Variants in ZNF106 observed in about 807,000 individuals in gnomAD.
ZNF106 encodes the protein SH3-domain binding protein 3.
A neutral mutation model predicts 195.1 loss-of-function variants in ZNF106; 67 were observed. The ratio of observed to expected loss-of-function variants is 0.34; its 90% CI spans 0.28 to 0.42. The LOEUF (loss-of-function observed/expected upper bound fraction) is 0.42. Among genes scored for constraint, ZNF106 ranks in the 10% least tolerant of loss-of-function variants. ZNF106 has a pLI of 1.00. For missense variants in ZNF106, 2,118 were observed against 2,304.5 expected (o/e 0.92, Z 1.66); for synonymous variants, 784 against 818.6 (o/e 0.96, Z 0.72).
chr15:42,460,894 T>A (rs993312244), intron 3 of ZNF106, among the ~76,000 whole-genome samples: 36 of 151,810 alleles, frequency 2.4e-4, no homozygotes, highest in African/African-American at 8.7e-4. Flanking sequence ...TAAAAATAAT[T>A]TTTCAAAAAC....
Position 42,472,263 on chromosome 15 carries a change from T to C in ZNF106, c.27A>G (p.Leu9=), listed in dbSNP as rs1302839355. Residue 9 remains leucine (L), a synonymous_variant, in exon 2 of 22, where the codon TTA becomes TTG. Transcript: ENST00000564754. ...TTTTTGAGCTGTACACGATGTGGCA[T>C]AATATGCATTTTCGTTCTCGTACCA... The part of the protein sequence containing the change: MVRERKCI[L]CHIVYSSKKE... 6.5e-7 allele frequency: 1 copy of C among 1,535,962 alleles called. No homozygotes were observed. The highest frequency in any genetic ancestry group is 2.0e-5 in the Admixed American group (1 of 50,982).
chr15:42,477,140 T>C (rs1204161661), intron 1 of ZNF106, among the ~76,000 whole-genome samples: 5 of 152,104 alleles, frequency 3.3e-5, no homozygotes, highest in African/African-American at 1.2e-4. Context: ...CAAAGACCAG[T>C]TTTGTCTATT....
At chr15:42,487,327 A>C (rs910404550) in intron 1 of ZNF106, among the ~76,000 whole-genome samples, 4 of 151,524 alleles carry the variant, frequency 2.6e-5, no homozygotes, top group Non-Finnish European at 4.4e-5. Flanking sequence ...ACACACACAA[A>C]AAATTTATTA....
chr15:42,450,450 C>T lies in ZNF106; in HGVS notation c.1822G>A (p.Ala608Thr), dbSNP rs376128302. 3.7e-6 allele frequency: 6 copies of T among 1,614,028 alleles called. No individual in the cohort carries two copies. The highest frequency in any genetic ancestry group is 1.1e-5 in the South Asian group (1 of 91,080). ...GSLKIEFQVH[A>T]LEDESDGETS... ...TCTCCATCACTTTCATCTTCTAGTG[C>T]GTGCACTTGAAACTCAATTTTCAAA... Residue 608 changes from alanine to threonine, a missense_variant, in exon 5 of 22, where the codon GCA becomes ACA. Ala to Thr is a moderately conservative substitution (Grantham distance 58). Coordinates refer to ENST00000564754, the MANE Select transcript of ZNF106 (RefSeq NM_001366845.3).
At chr15:42,471,118 A>C (rs1433369225) in intron 2 of ZNF106, among the ~76,000 whole-genome samples, 1 of 151,986 alleles carries the variant, frequency 6.6e-6, no homozygotes, top group Non-Finnish European at 1.5e-5. Flanking sequence ...CTTCTTGCCA[A>C]CTCCTAGAAC....
rs1399949102 is a variant in ZNF106, at chr15:42,413,295, T to A, written c.*4009A>T. On this transcript the variant is annotated 3_prime_UTR_variant, in exon 22 of 22. Coordinates refer to ENST00000564754, the MANE Select transcript of ZNF106 (RefSeq NM_001366845.3). ...TATCCCAAATCACCTCCACCACAACTTCTATTCCTGTCTATTAGACCACTT... is the reference window on the plus strand; with the variant it reads ...TATCCCAAATCACCTCCACCACAACATCTATTCCTGTCTATTAGACCACTT... 1 of 152,194 alleles carries A rather than the reference T, an allele frequency of 6.6e-6. No individual in the cohort carries two copies. The highest frequency in any genetic ancestry group is 1.5e-5 in the Non-Finnish European group (1 of 68,034). 9.4% of individuals were successfully genotyped at this position (152,194 alleles called of 1,614,324 possible).
chr15:42,478,963 A>G (rs1189190858), intron 1 of ZNF106, among the ~76,000 whole-genome samples: 1 of 152,238 alleles, frequency 6.6e-6, no homozygotes. Flanking sequence ...ATTATCATTC[A>G]GTTCAAAGTA....
Position 42,421,932 on chromosome 15 carries a change from G to T in ZNF106, c.5430C>A (p.Thr1810=). ...TAACACTCACCATGCTTTTATGGAT[G>T]GTCATACACATAATCATGTCTTTGT... is the stretch of plus-strand genomic sequence containing the variant. The part of the protein sequence containing the change: ...GGHKDMIMCM[T]IHKSMIYTGC... The change falls in exon 19 of 22, where the codon ACC becomes ACA. Residue 1810 remains threonine, a synonymous_variant. Transcript: ENST00000564754. 6.4e-7 allele frequency: 1 copy of T among 1,559,150 alleles called. No homozygotes were observed.
chr15:42,427,325 T>C (rs761397027), intron 15 of ZNF106, among the ~76,000 whole-genome samples: 1 of 152,230 alleles, frequency 6.6e-6, no homozygotes, highest in Non-Finnish European at 1.5e-5. Context: ...GCCTGTAAGA[T>C]GAAGTCCAAC....
rs1263253756 is a variant in ZNF106, at chr15:42,439,142, T to G, written c.4435A>C (p.Ile1479Leu). The G allele has an allele frequency of 6.2e-7, 1 of 1,614,112 alleles. No homozygotes were observed. Among genetic ancestry groups the G allele is most frequent in the Admixed American group, 1.7e-5 (1 of 59,996 alleles). Residue 1479 changes from isoleucine (I) to leucine (L), a missense_variant, in exon 11 of 22, where the codon ATT (isoleucine) becomes CTT (leucine). Coordinates refer to ENST00000564754, the MANE Select transcript of ZNF106 (RefSeq NM_001366845.3). ...EKPDSPSKKD[I>L]WNSTEQNPLE... Reference sequence around the variant, plus strand: ...GGGTTTTGCTCTGTAGAGTTCCAAATATCCTTTTTAGATGGGCTGTCTGGT... The same window carrying G: ...GGGTTTTGCTCTGTAGAGTTCCAAAGATCCTTTTTAGATGGGCTGTCTGGT...
chr15:42,444,424 G>A (rs1424328528), intron 8 of ZNF106, among the ~76,000 whole-genome samples, 162 bp from the exon 9 acceptor site: 1 of 152,150 alleles, frequency 6.6e-6, no homozygotes, highest in Admixed American at 6.6e-5. Flanking sequence ...ACCCTACCTG[G>A]GGCCTTGAAG....
chr15:42,456,062 C>A (rs1463444392), intron 4 of ZNF106, among the ~76,000 whole-genome samples: 1 of 152,116 alleles, frequency 6.6e-6, no homozygotes. Flanking sequence ...ATTATCTTGA[C>A]ACTTATCAAA....
chr15:42,435,007 A>G (rs954060562), intron 14 of ZNF106, among the ~76,000 whole-genome samples: 1 of 152,046 alleles, frequency 6.6e-6, no homozygotes, highest in Non-Finnish European at 1.5e-5. Flanking sequence ...TCCCAACCTC[A>G]GGTGAATCCA....
At chr15:42,448,764 TA>T in intron 5 of ZNF106, 59 bp from the exon 6 acceptor site, 2 of 1,505,290 alleles carry the variant, frequency 1.3e-6, no homozygotes, top group Non-Finnish European at 8.8e-7. Flanking sequence ...GGAGGGGCAT[TA>T]TTTTTTAATG....
At chr15:42,426,563 CTTTTTT>C (rs539711765) in intron 15 of ZNF106, among the ~76,000 whole-genome samples, 1 of 115,742 alleles carries the variant, frequency 8.6e-6, no homozygotes, top group Non-Finnish European at 1.8e-5. Context: ...CCATACTTAG[CTTTTTT>C]TTTTTTTTTT....
chr15:42,482,480 C>CA (rs1200299319), intron 1 of ZNF106, among the ~76,000 whole-genome samples: 1 of 148,586 alleles, frequency 6.7e-6, no homozygotes, highest in Non-Finnish European at 1.5e-5. Context: ...TTGGTTAACT[C>CA]AAACTACAAA....
intron 14 of ZNF106, among the ~76,000 whole-genome samples, chr15:42,430,412 G>A (rs923433710): frequency 2.6e-5 from 4 of 151,914 alleles, no homozygotes; most frequent in African/African-American, 9.7e-5. Flanking sequence ...ACAAGGTCTC[G>A]CTCTGCCTCC....
chr15:42,487,490 CAAAAAAAA>C (rs961444853), intron 1 of ZNF106, among the ~76,000 whole-genome samples: 6 of 44,722 alleles, frequency 1.3e-4, no homozygotes, highest in Admixed American at 5.8e-4. Flanking sequence ...GACCCTGTCT[CAAAAAAAA>C]AAAAAAAAAA....
At chr15:42,443,233 A>G (rs1190329624) in intron 9 of ZNF106, among the ~76,000 whole-genome samples, 1 of 152,134 alleles carries the variant, frequency 6.6e-6, no homozygotes, top group Non-Finnish European at 1.5e-5. Context: ...TGGAAGGGAG[A>G]AGATTTGAAC....
Sources: gnomAD v4.1 joint callset for allele counts (sites outside exome capture counted in the v4.1 genomes callset) on GRCh38, gnomAD v4.1.1 for gene constraint, MANE v1.5 for transcripts, NCBI Gene and HGNC (gene_info 2026-07-23, HGNC 2026-07-21) for gene names.